Variants in OPA3 observed in about 807,000 individuals in gnomAD.
OPA3 encodes the protein optic atrophy 3 protein.
In OPA3, 6 loss-of-function variants were observed where a neutral mutation model predicts 4.0. The ratio of observed to expected loss-of-function variants is 1.51; its 90% confidence interval spans 0.83 to 2.99. OPA3 has a LOEUF of 2.99. Ranked by LOEUF, OPA3 falls within the 30% of genes most tolerant of loss-of-function variation. OPA3 has a pLI of 0.00. For missense variants in OPA3, 235 were observed against 256.2 expected, an observed-to-expected ratio of 0.92 and a Z score of 0.56; for synonymous variants, 105 against 117.1, an observed-to-expected ratio of 0.90 and a Z score of 0.67.
At chr19:45,531,338 G>A (rs550037754) in intron 1 of OPA3, among the ~76,000 whole-genome samples, 7 of 152,086 alleles carry the variant, frequency 4.6e-5, no homozygotes, top group South Asian at 4.2e-4. Context: ...CAACTTTGAC[G>A]TTACTGTATG....
chr19:45,575,586 T>G (rs569930210), intron 1 of OPA3, among the ~76,000 whole-genome samples: 5 of 151,834 alleles, frequency 3.3e-5, no homozygotes, highest in African/African-American at 1.2e-4. Flanking sequence ...CTACCACAAA[T>G]GCAGTGGCTT....
chr19:45,540,036 C>T (rs967694606), intron 1 of OPA3, among the ~76,000 whole-genome samples: 3 of 151,918 alleles, frequency 2.0e-5, no homozygotes, highest in Non-Finnish European at 4.4e-5. Context: ...GGGTGAGTTT[C>T]GGCCAGGCGC....
Position 45,551,002 on chromosome 19 carries a change from C to T in OPA3, c.*2512G>A, listed in dbSNP as rs932838935. ...CTGAGAAAGGGTCTCACTCTGTCAT[C>T]CAGGCTGGAGTGTAGTGGCGCGATC... On this transcript the variant is annotated 3_prime_UTR_variant, in exon 2 of 2. Transcript: ENST00000263275. 3.1e-6 allele frequency: 3 copies of T among 973,920 alleles called. No individual in the cohort carries two copies. Among genetic ancestry groups the T allele is most frequent in the Non-Finnish European group, 1.2e-6 (1 of 819,644 alleles). The allele number at this position is 973,920 out of a possible 1,614,324, so 60.3% of individuals were successfully genotyped here.
chr19:45,578,689 T>G (rs1969803718), intron 1 of OPA3, among the ~76,000 whole-genome samples: 1 of 151,898 alleles, frequency 6.6e-6, no homozygotes, highest in East Asian at 1.9e-4. Flanking sequence ...TAGCCGGGCG[T>G]GGTGGCGCAT....
chr19:45,535,438 C>A (rs1420912905), intron 1 of OPA3, among the ~76,000 whole-genome samples: 2 of 138,782 alleles, frequency 1.4e-5, no homozygotes, highest in Non-Finnish European at 3.1e-5. Context: ...GTGGTGCAAT[C>A]ATAGCTTACT....
In OPA3 at chr19:45,549,243, A is replaced by T; in HGVS notation, c.*4271T>A. 4.1e-6 allele frequency: 4 copies of T among 985,456 alleles called. No individual in the cohort carries two copies. Among genetic ancestry groups the T allele is most frequent in the Non-Finnish European group, 4.8e-6 (4 of 829,962 alleles). The allele number at this position is 985,456 out of a possible 1,614,324, so 61.0% of individuals were successfully genotyped here. A position where few individuals can be genotyped will look rare whatever the true frequency, so the allele number is the denominator to read the frequency against. On this transcript the variant is annotated 3_prime_UTR_variant, in exon 2 of 2. Transcript: ENST00000263275. ...TAGCAGAACACACGAGCAGTGAACC[A>T]TCCTCTGGCCTCTTGCATTTTGAGA...
At chr19:45,534,982 A>G (rs1365375631) in intron 1 of OPA3, among the ~76,000 whole-genome samples, 4 of 152,240 alleles carry the variant, frequency 2.6e-5, no homozygotes, top group Admixed American at 6.5e-5. Context: ...CAGCTATTCA[A>G]TGAGTTACTC....
At chr19:45,578,495 CT>C (rs1969800586) in intron 1 of OPA3, among the ~76,000 whole-genome samples, 1 of 150,470 alleles carries the variant, frequency 6.6e-6, no homozygotes, top group Admixed American at 6.7e-5. Flanking sequence ...GCACTCCTGG[CT>C]CACTGGCTTC....
At chr19:45,559,393 CTTTCTTTTTTTTT>C (rs1350929933) in intron 1 of OPA3, among the ~76,000 whole-genome samples, 12 of 97,836 alleles carry the variant, frequency 1.2e-4, no homozygotes, top group East Asian at 1.1e-3. Flanking sequence ...CCCTCTTTTT[CTTTCTTTTTTTTT>C]TTTTTTTTTT....
At position 45,584,651 on chromosome 19, in the gene OPA3, C is replaced by G. The variant is rs1969905782; in HGVS notation, c.114G>C (p.Lys38Asn). The G allele has an allele frequency of 1.2e-6, 2 of 1,614,216 alleles. No individual in the cohort carries two copies. The highest frequency in any genetic ancestry group is 1.7e-6 in the Non-Finnish European group (2 of 1,180,034). Reference sequence around the variant, plus strand: ...GAGCCGGCGGGAGGCAGATATAGGTCTTGAAGAACTCGCTTCGGCGGGCGG... The same window carrying G: ...GAGCCGGCGGGAGGCAGATATAGGTGTTGAAGAACTCGCTTCGGCGGGCGG... Reference protein sequence around the residue: ...KEAARRSEFFKTYICLPPAQL... With the variant: ...KEAARRSEFFNTYICLPPAQL... The change falls in exon 1 of 2, where the codon AAG becomes AAC. Residue 38 changes from lysine to asparagine, a missense_variant. Lys to Asn is a moderately conservative substitution (Grantham distance 94). Transcript: ENST00000263275.
intron 1 of OPA3, among the ~76,000 whole-genome samples, chr19:45,581,766 A>T (rs949942568): frequency 6.6e-6 from 1 of 152,182 alleles, no homozygotes; most frequent in African/African-American, 2.4e-5. Flanking sequence ...ACAAAGAGTA[A>T]TTCACGCAGA....
intron 1 of OPA3, among the ~76,000 whole-genome samples, chr19:45,578,835 A>C (rs1969806144): frequency 1.3e-5 from 2 of 152,058 alleles, no homozygotes; most frequent in Non-Finnish European, 2.9e-5. Flanking sequence ...TCAAAAAATA[A>C]AATAAAATAA....
At chr19:45,539,639 C>T (rs1449842523) in intron 1 of OPA3, among the ~76,000 whole-genome samples, 3 of 149,688 alleles carry the variant, frequency 2.0e-5, no homozygotes, top group African/African-American at 4.9e-5. Flanking sequence ...ATTAGCCGGG[C>T]GTGGCGGTGC....
intron 1 of OPA3, among the ~76,000 whole-genome samples, chr19:45,569,054 AC>A (rs1352090183): frequency 2.0e-5 from 3 of 152,196 alleles, no homozygotes; most frequent in South Asian, 2.1e-4. Context: ...AAGCATAGCC[AC>A]ACCCCAGAAA....
chr19:45,571,850 A>G (rs370574386), intron 1 of OPA3, among the ~76,000 whole-genome samples: 2 of 152,134 alleles, frequency 1.3e-5, no homozygotes, highest in East Asian at 1.9e-4. Context: ...GTGGTTAGTT[A>G]GCCCTTCTAT....
chr19:45,537,396 CA>C (rs1181396046), intron 1 of OPA3, among the ~76,000 whole-genome samples: 544 of 28,888 alleles, frequency 0.019, 2 homozygotes, highest in African/African-American at 0.066. Flanking sequence ...GACTCTGTCT[CA>C]AAAAAAAAAA....
intron 1 of OPA3, among the ~76,000 whole-genome samples, chr19:45,563,842 C>T (rs1041178581): frequency 7.3e-5 from 11 of 151,674 alleles, no homozygotes; most frequent in African/African-American, 1.4e-4. Context: ...GTGTGAGCCA[C>T]CGCGCCCGGC....
intron 1 of OPA3, among the ~76,000 whole-genome samples, chr19:45,576,669 G>A (rs1969773676): frequency 6.6e-6 from 1 of 151,998 alleles, no homozygotes; most frequent in African/African-American, 2.4e-5. Flanking sequence ...TCCAGAGGCT[G>A]CCCGCATTCC....
In OPA3 at chr19:45,546,455, A is replaced by C. The variant is rs1009209289; in HGVS notation, c.*7059T>G. The C allele has an allele frequency of 1.6e-5, 10 of 613,870 alleles. No individual in the cohort carries two copies. The African/African-American group carries it at 2.0e-4, about 12-fold the overall frequency. 38.0% of individuals were successfully genotyped at this position (613,870 alleles called of 1,614,324 possible). Reference sequence around the variant, plus strand: ...ACACTTTTAAAATACATAGAATTGTAAATTATTGTATAAATATGCACACGA... The same window carrying C: ...ACACTTTTAAAATACATAGAATTGTCAATTATTGTATAAATATGCACACGA... On this transcript the variant is annotated 3_prime_UTR_variant, in exon 2 of 2. Coordinates refer to ENST00000263275, the MANE Select transcript of OPA3 (RefSeq NM_025136.4).
Sources: allele counts gnomAD v4.1 joint callset (sites outside exome capture counted in the v4.1 genomes callset), GRCh38; gene constraint gnomAD v4.1.1; transcripts MANE v1.5; gene names NCBI Gene and HGNC (gene_info 2026-07-23, HGNC 2026-07-21).